The following POTEH variants were observed in gnomAD, a reference collection of about 807,000 sequenced individuals.
POTEH encodes POTE ankyrin domain family member H, also known as ANKRD26-like family C member 3.
POTEH carries 6 observed loss-of-function variants against 41.7 expected under a neutral mutation model. The observed-to-expected ratio is 0.14, with a 90% CI of 0.08 to 0.28. The LOEUF (loss-of-function observed/expected upper bound fraction) is 0.28. Among genes scored for constraint, POTEH ranks in the 10% least tolerant of loss-of-function variants. The pLI is 1.00. For synonymous variants in POTEH, 38 were observed against 179.9 expected, an observed-to-expected ratio of 0.21 and a Z score of 6.31; for missense variants, 115 against 533.5, an observed-to-expected ratio of 0.22 and a Z score of 7.73.
rs779226546 is a variant in POTEH at position 15,690,086 on chromosome 22, T to C, written c.9T>C (p.Ala3=). MV[A]EAGSMPAASS... ...CTGGCTGTTAAAAGCAGATGGTGGC[T>C]GAGGCTGGTTCAATGCCGGCTGCCT... is the stretch of plus-strand genomic sequence containing the variant. The change falls in exon 1 of 11, where the codon GCT becomes GCC. Residue 3 remains alanine, a synonymous_variant. Coordinates refer to ENST00000343518, the MANE Select transcript of POTEH (RefSeq NM_001136213.1). 17 of 1,401,280 alleles carry C rather than the reference T, an allele frequency of 1.2e-5. 6 individuals carry two copies. The Admixed American group carries it at 3.0e-4, about 24-fold the overall frequency. The allele number at this position is 1,401,280 out of a possible 1,614,324, so 86.8% of individuals were successfully genotyped here. A position where few individuals can be genotyped will look rare whatever the true frequency, so the allele number is the denominator to read the frequency against.
intron 1 of POTEH, among the ~76,000 whole-genome samples, chr22:15,691,526 A>AC (rs2123823798): frequency 6.8e-5 from 1 of 14,734 alleles, no homozygotes; most frequent in South Asian, 2.7e-3. Context: ...ACTCCGTCTC[A>AC]AAAAAAAAAA....
intron 1 of POTEH, among the ~76,000 whole-genome samples, chr22:15,691,104 A>C (rs2123823232): frequency 6.9e-6 from 1 of 144,392 alleles, no homozygotes; most frequent in Admixed American, 7.2e-5. Flanking sequence ...CTTCAAATAA[A>C]ATCCAGTATG....
At chr22:15,718,708 TTCC>T (rs1989958319) in intron 9 of POTEH, among the ~76,000 whole-genome samples, 1 of 151,458 alleles carries the variant, frequency 6.6e-6, no homozygotes, top group Non-Finnish European at 1.5e-5. Context: ...ATAGTTTGAC[TTCC>T]TCTTTTCCAA....
intron 8 of POTEH, among the ~76,000 whole-genome samples, chr22:15,710,197 A>G (rs1449697869): frequency 3.3e-5 from 5 of 152,386 alleles, no homozygotes; most frequent in South Asian, 2.1e-4. Context: ...TGGCTATCGA[A>G]TGTGAAATTT....
intron 6 of POTEH, among the ~76,000 whole-genome samples, chr22:15,704,011 C>G (rs1388990356): frequency 6.7e-4 from 101 of 150,270 alleles, no homozygotes; most frequent in Admixed American, 4.6e-3. Flanking sequence ...TTATCATTGT[C>G]ATTTTCATTA....
chr22:15,692,383 A>T (rs1209278311), intron 1 of POTEH, among the ~76,000 whole-genome samples: 5 of 147,426 alleles, frequency 3.4e-5, no homozygotes, highest in African/African-American at 1.2e-4. Context: ...CTATGTGCAT[A>T]GGAAAAGATA....
chr22:15,692,841 G>A (rs1435653318), intron 1 of POTEH, among the ~76,000 whole-genome samples: 1 of 128,450 alleles, frequency 7.8e-6, no homozygotes. Context: ...TAAAGTTTAA[G>A]TTGCTGCAGC....
rs1438819958 is a variant in POTEH, at chr22:15,705,466, T to C, written c.1238-2554T>C. On this transcript the variant is annotated intron_variant, in intron 6 of 10. Coordinates refer to ENST00000343518, the MANE Select transcript of POTEH (RefSeq NM_001136213.1). Reference sequence around the variant, plus strand: ...GCAGTTTTTTTTTTCATAAAAGCCATTTTGTAAATGTTCATGTTCCCAGTG... The same window carrying C: ...GCAGTTTTTTTTTTCATAAAAGCCACTTTGTAAATGTTCATGTTCCCAGTG... Among the ~76,000 whole-genome samples, 4 of 152,166 alleles carry C rather than the reference T, an allele frequency of 2.6e-5. No individual in the cohort carries two copies. The East Asian group carries it at 5.8e-4, about 22-fold the overall frequency.
chr22:15,692,908 A>C (rs201140237), intron 1 of POTEH, among the ~76,000 whole-genome samples: 7,069 of 105,692 alleles, frequency 0.067, 232 homozygotes, highest in South Asian at 0.13. Context: ...TATGCTTTTT[A>C]CTCATCAGTT....
At chr22:15,691,789 T>C (rs1989318777) in intron 1 of POTEH, among the ~76,000 whole-genome samples, 1 of 148,842 alleles carries the variant, frequency 6.7e-6, no homozygotes, top group Admixed American at 6.9e-5. Flanking sequence ...TACCGAAATA[T>C]ATGTAGGAAT....
In POTEH at chr22:15,690,345, G is replaced by A. The variant is rs768057079; in HGVS notation, c.268G>A (p.Ala90Thr). 21 of 1,386,988 alleles carry A rather than the reference G, an allele frequency of 1.5e-5. No homozygotes were observed. Among genetic ancestry groups the A allele is most frequent in the African/African-American group, 4.8e-5 (3 of 61,976 alleles). 85.9% of individuals were successfully genotyped at this position (1,386,988 alleles called of 1,614,324 possible). Residue 90 changes from alanine (A) to threonine (T), a missense_variant, in exon 1 of 11, where the codon GCT (alanine) becomes ACT (threonine). Ala to Thr is a moderately conservative substitution (Grantham distance 58). Coordinates refer to ENST00000343518, the MANE Select transcript of POTEH (RefSeq NM_001136213.1). Reference protein sequence around the residue: ...VGTSGDHDDSAMKTLRSKMGK... With the variant: ...VGTSGDHDDSTMKTLRSKMGK... ...CACTTCTGGAGACCACGACGATTCT[G>A]CTATGAAGACACTCAGGAGCAAGAT...
At chr22:15,711,238 A>ATTTTC (rs1208804448) in intron 9 of POTEH, among the ~76,000 whole-genome samples, 3 of 152,166 alleles carry the variant, frequency 2.0e-5, no homozygotes, top group East Asian at 3.9e-4. Flanking sequence ...GGGAAAAGGC[A>ATTTTC]TTTTCTTTTC....
chr22:15,702,504 TC>T (rs1989584535), intron 5 of POTEH, among the ~76,000 whole-genome samples, 181 bp from the exon 6 acceptor site: 1 of 141,780 alleles, frequency 7.1e-6, no homozygotes, highest in Admixed American at 7.1e-5. Flanking sequence ...TACATTTTTT[TC>T]TTCTTTAATT....
At chr22:15,692,428 G>C (rs1355646416) in intron 1 of POTEH, among the ~76,000 whole-genome samples, 3 of 147,614 alleles carry the variant, frequency 2.0e-5, no homozygotes, top group Non-Finnish European at 4.5e-5. Context: ...TAAGTTAGAA[G>C]AGGAATGAAA....
intron 7 of POTEH, among the ~76,000 whole-genome samples, chr22:15,708,541 A>T (rs1305278633): frequency 2.4e-3 from 307 of 127,124 alleles, no homozygotes; most frequent in Middle Eastern, 3.8e-3. Flanking sequence ...AAAAAAAAAA[A>T]ATATTTTAAT....
At chr22:15,710,445 T>C (rs1989787357) in intron 8 of POTEH, among the ~76,000 whole-genome samples, 2 of 151,640 alleles carry the variant, frequency 1.3e-5, no homozygotes, top group African/African-American at 4.9e-5. Context: ...TCCTCTAAAA[T>C]GACTGTTTAA....
intron 5 of POTEH, among the ~76,000 whole-genome samples, chr22:15,702,192 GA>G (rs1989578255): frequency 7.1e-6 from 1 of 141,102 alleles, no homozygotes; most frequent in Non-Finnish European, 1.5e-5. Context: ...TTTTATTTGT[GA>G]TTCCAAGATA....
At chr22:15,710,505 T>C (rs1474781663) in intron 8 of POTEH, among the ~76,000 whole-genome samples, 14 of 152,378 alleles carry the variant, frequency 9.2e-5, no homozygotes, top group Middle Eastern at 6.8e-3. Context: ...TGCATCTTTG[T>C]CTTTTTATTT....
chr22:15,690,272 C>A lies in POTEH; in HGVS notation c.195C>A (p.Cys65Ter), dbSNP rs202163279. ...TCAGGAGCAAGATGGGCAAGTGGTG[C>A]TGCCACTGCTTCCCCTGGTGCAGGG... ...KTLRSKMGKWCCHCFPWCRGS... is the reference protein window; with the variant it reads ...KTLRSKMGKW Residue 65 changes from cysteine (C) to a stop codon, truncating the protein, a stop_gained, in exon 1 of 11, where the codon TGC becomes TGA. Transcript: ENST00000343518. LOFTEE classifies it high-confidence loss of function. 356 of 1,408,894 alleles carry A rather than the reference C, an allele frequency of 2.5e-4. 38 individuals are homozygous for A. The African/African-American group carries it at 4.9e-3, about 19-fold the overall frequency. The allele number at this position is 1,408,894 out of a possible 1,614,324, so 87.3% of individuals were successfully genotyped here. A position where few individuals can be genotyped will look rare whatever the true frequency, so the allele number is the denominator to read the frequency against.
Sources: gnomAD v4.1 joint callset for allele counts (sites outside exome capture counted in the v4.1 genomes callset) on GRCh38, gnomAD v4.1.1 for gene constraint, MANE v1.5 for transcripts, NCBI Gene and HGNC (gene_info 2026-07-23, HGNC 2026-07-21) for gene names.